Variants in NPHP4 observed in about 807,000 individuals in gnomAD.
NPHP4 encodes the protein nephrocystin 4, also known as nephrocystin-4.
NPHP4 carries 151 observed loss-of-function variants against 155.8 expected under a neutral mutation model. The ratio of observed to expected loss-of-function variants is 0.97; its 90% confidence interval spans 0.85 to 1.11. The LOEUF (loss-of-function observed/expected upper bound fraction) is 1.11, where lower values mean the gene tolerates loss of function less well. NPHP4 is among the 50% of genes least tolerant of loss of function. The probability of loss-of-function intolerance (pLI) is 0.00; values close to 1 mark genes in which losing one functional copy is unlikely to be tolerated. For missense variants in NPHP4, 1,956 were observed against 1,925.7 expected (o/e 1.02, Z -0.29); for synonymous variants, 845 against 816.8 (o/e 1.03, Z -0.59).
chr1:5,896,820 T>C (rs1434141060), intron 16 of NPHP4, among the ~76,000 whole-genome samples: 1 of 152,134 alleles, frequency 6.6e-6, no homozygotes, highest in Non-Finnish European at 1.5e-5. Context: ...AAGATGAGCC[T>C]GGAACCGGCA....
chr1:5,873,319 C>G lies in NPHP4; in HGVS notation c.3248G>C (p.Ser1083Thr). The G allele has an allele frequency of 6.2e-7, 1 of 1,613,932 alleles. No individual in the cohort carries two copies. The highest frequency in any genetic ancestry group is 1.1e-5 in the South Asian group (1 of 91,080). The change falls in exon 23 of 30, where the codon AGC becomes ACC. Residue 1083 changes from serine (S) to threonine (T), a missense_variant. By Grantham distance (58) the Ser-to-Thr change is moderately conservative. Coordinates refer to ENST00000378156, the MANE Select transcript of NPHP4 (RefSeq NM_015102.5). ...LAMVQASPGL[S>T]NEKGMDAVSP... ...CACGGCGTCCATGCCCTTCTCGTTG[C>G]TCAACCCAGGAGAGGCCTGCAGGAA...
At chr1:5,873,681 T>C (rs1642241219) in intron 22 of NPHP4, 4 of 381,412 alleles carry the variant, frequency 1.0e-5, no homozygotes, top group East Asian at 6.5e-5. Flanking sequence ...ACCACCACCC[T>C]AGAGAGCTGA....
chr1:5,863,973 T>C lies in NPHP4; in HGVS notation c.4057A>G (p.Thr1353Ala), dbSNP rs950615557. The C allele has an allele frequency of 1.2e-6, 2 of 1,613,642 alleles. No homozygotes were observed. The highest frequency in any genetic ancestry group is 2.7e-5 in the African/African-American group (2 of 74,866). Residue 1353 changes from threonine to alanine, a missense_variant, in exon 29 of 30, where the codon ACC becomes GCC. By Grantham distance (58) the Thr-to-Ala change is moderately conservative. Coordinates refer to ENST00000378156, the MANE Select transcript of NPHP4 (RefSeq NM_015102.5). ...GKGVNKRITY[T>A]NPYPSRRTFH... ...GTCCTCCGGGAGGGGTAGGGGTTGG[T>C]GTAGGTGATCCTCTTGTTGACACCC...
At chr1:5,880,496 C>T (rs1000197615) in intron 18 of NPHP4, 5 of 477,276 alleles carry the variant, frequency 1.0e-5, no homozygotes, top group South Asian at 2.4e-5. Flanking sequence ...CGAATGAAAG[C>T]GTGTGGCACT....
At chr1:5,963,931 G>A (rs1339556098) in intron 5 of NPHP4, among the ~76,000 whole-genome samples, 1 of 152,032 alleles carries the variant, frequency 6.6e-6, no homozygotes, top group Non-Finnish European at 1.5e-5. Flanking sequence ...CAGGTGATCT[G>A]CCTGCCTTGG....
chr1:5,872,329 C>T (rs750539127), intron 23 of NPHP4, among the ~76,000 whole-genome samples: 3 of 152,230 alleles, frequency 2.0e-5, no homozygotes, highest in Non-Finnish European at 4.4e-5. Flanking sequence ...GCTGCTGTCC[C>T]TCTGTCTACG....
intron 5 of NPHP4, among the ~76,000 whole-genome samples, chr1:5,962,429 T>A (rs372611649): frequency 6.6e-6 from 1 of 152,122 alleles, no homozygotes; most frequent in African/African-American, 2.4e-5. Context: ...AGGCACAGAC[T>A]GTGCAGTTTC....
Position 5,992,377 on chromosome 1 carries a change from C to T in NPHP4, c.-172G>A, listed in dbSNP as rs924237763. The T allele has an allele frequency of 6.6e-6, 1 of 152,272 alleles. No homozygotes were observed. The highest frequency in any genetic ancestry group is 1.5e-5 in the Non-Finnish European group (1 of 68,128). The allele number at this position is 152,272 out of a possible 1,614,324, so 9.4% of individuals were successfully genotyped here. A position where few individuals can be genotyped will look rare whatever the true frequency, so the allele number is the denominator to read the frequency against. On this transcript the variant is annotated 5_prime_UTR_variant, in exon 1 of 30. Transcript: ENST00000378156. The stretch of plus-strand genomic sequence containing the variant: ...CACAAGCCTGAGGACCGAGGACTGG[C>T]CGAGGGGCGCGCCCCGTCCGCTGCC...
intron 1 of NPHP4, among the ~76,000 whole-genome samples, 192 bp downstream of exon 1, chr1:5,992,052 G>A (rs929119784): frequency 6.6e-6 from 1 of 152,038 alleles, no homozygotes; most frequent in African/African-American, 2.4e-5. Context: ...TGCGACTAAC[G>A]CGGGGACAGC....
At chr1:5,951,211 G>A (rs1422268147) in intron 7 of NPHP4, among the ~76,000 whole-genome samples, 3 of 152,194 alleles carry the variant, frequency 2.0e-5, no homozygotes, top group African/African-American at 4.8e-5. Flanking sequence ...TGTGGGTGCC[G>A]GGCCCAAGGC....
chr1:5,951,931 G>A (rs562386005), intron 7 of NPHP4, among the ~76,000 whole-genome samples: 10 of 152,324 alleles, frequency 6.6e-5, no homozygotes, highest in South Asian at 6.2e-4. Context: ...CGCATGCTGC[G>A]TACTAGGCAG....
chr1:5,952,490 G>A (rs1040008518), intron 7 of NPHP4, among the ~76,000 whole-genome samples: 1 of 152,136 alleles, frequency 6.6e-6, no homozygotes, highest in African/African-American at 2.4e-5. Flanking sequence ...AGAAAGAGGG[G>A]AAAAGACAGA....
At chr1:5,933,126 A>C in intron 10 of NPHP4, 21 bp downstream of exon 10, 1 of 1,498,576 alleles carries the variant, frequency 6.7e-7, no homozygotes, top group Non-Finnish European at 9.0e-7. Flanking sequence ...GGAGATGCAT[A>C]AGAAATACCT....
At chr1:5,951,300 G>A (rs1271397346) in intron 7 of NPHP4, among the ~76,000 whole-genome samples, 1 of 152,246 alleles carries the variant, frequency 6.6e-6, no homozygotes, top group African/African-American at 2.4e-5. Flanking sequence ...ATCACGAAAA[G>A]GGTGTGACGT....
intron 19 of NPHP4, among the ~76,000 whole-genome samples, chr1:5,878,708 T>C (rs2100701246): frequency 6.6e-6 from 1 of 152,296 alleles, no homozygotes; most frequent in Middle Eastern, 3.4e-3. Context: ...GGCCTCTGAT[T>C]GTCTCAGCAA....
At chr1:5,946,969 G>T in intron 9 of NPHP4, 135 bp downstream of exon 9, 1 of 952,414 alleles carries the variant, frequency 1.0e-6, no homozygotes, top group Non-Finnish European at 1.6e-6. Flanking sequence ...ATAAATGTCA[G>T]TAAAGTGATT....
chr1:5,922,458 T>C (rs1417208552), intron 11 of NPHP4, among the ~76,000 whole-genome samples: 2 of 152,226 alleles, frequency 1.3e-5, no homozygotes, highest in Non-Finnish European at 2.9e-5. Context: ...GTTCTAGAAA[T>C]TAGAACATTA....
intron 11 of NPHP4, among the ~76,000 whole-genome samples, chr1:5,916,876 A>G (rs1645500524): frequency 6.6e-6 from 1 of 152,260 alleles, no homozygotes; most frequent in Non-Finnish European, 1.5e-5. Flanking sequence ...GAAGGAGGAC[A>G]GGCTGCTTCT....
chr1:5,969,161 C>G lies in NPHP4; in HGVS notation c.378G>C (p.Leu126Phe), dbSNP rs1652096220. Reference sequence around the variant, plus strand: ...TCCGAAGAATTCCAAACCCACAGGACAATGTCTGGAGGCTCCCATCCCGTT... The same window carrying G: ...TCCGAAGAATTCCAAACCCACAGGAGAATGTCTGGAGGCTCCCATCCCGTT... ...GKKRDGSLQTLSCGFGILRIF... is the reference protein window; with the variant it reads ...GKKRDGSLQTFSCGFGILRIF... Residue 126 changes from leucine (L) to phenylalanine (F), a missense_variant, in exon 4 of 30, where the codon TTG becomes TTC. Leu to Phe is a conservative substitution (Grantham distance 22, BLOSUM62 0). Transcript: ENST00000378156. 1.3e-6 allele frequency: 2 copies of G among 1,558,662 alleles called. No individual in the cohort carries two copies. The highest frequency in any genetic ancestry group is 8.7e-7 in the Non-Finnish European group (1 of 1,150,696).
Sources: allele counts gnomAD v4.1 joint callset (sites outside exome capture counted in the v4.1 genomes callset), GRCh38; gene constraint gnomAD v4.1.1; transcripts MANE v1.5; gene names NCBI Gene and HGNC (gene_info 2026-07-23, HGNC 2026-07-21).